VTI1A: variants seen among roughly 807,000 people sequenced by gnomAD.
VTI1A encodes vesicle transport through interaction with t-SNAREs 1A, also known as vesicle transport through interaction with t-SNAREs homolog 1A.
VTI1A carries 22 observed loss-of-function variants against 34.9 expected under a neutral mutation model. That is an observed-to-expected ratio of 0.63 (90% confidence interval 0.45 to 0.90). The LOEUF (loss-of-function observed/expected upper bound fraction) is 0.90. VTI1A is among the 40% of genes least tolerant of loss of function. The probability of loss-of-function intolerance (pLI) is 0.00; values close to 1 mark genes in which losing one functional copy is unlikely to be tolerated. For missense variants in VTI1A, 268 were observed against 275.6 expected, an observed-to-expected ratio of 0.97 and a Z score of 0.20; for synonymous variants, 87 against 97.3, an observed-to-expected ratio of 0.89 and a Z score of 0.62.
chr10:112,845,985 G>A, the VTI1A span, among the ~76,000 whole-genome samples: 12 of 152,184 alleles, frequency 7.9e-5, no homozygotes, highest in African/African-American at 1.7e-4. Flanking sequence ...ACCACGACAC[G>A]CCAGCCTGGG....
intron 5 of VTI1A, among the ~76,000 whole-genome samples, chr10:112,627,840 TGTG>T (rs1243744063): frequency 6.6e-6 from 1 of 152,042 alleles, no homozygotes; most frequent in Non-Finnish European, 1.5e-5. Flanking sequence ...TGATATAAAA[TGTG>T]GTAATGATAT....
Position 112,759,303 on chromosome 10 carries a change from C to T in VTI1A, c.561-55987C>T, listed in dbSNP as rs540916652. ...TAGTGTAAAAATGGACCCCAAAGGTCTTCAGATGGAAAACTAGGTTTTAGG... is the reference window on the plus strand; with the variant it reads ...TAGTGTAAAAATGGACCCCAAAGGTTTTCAGATGGAAAACTAGGTTTTAGG... On this transcript the variant is annotated intron_variant, in intron 7 of 7. Coordinates refer to ENST00000393077, the MANE Select transcript of VTI1A (RefSeq NM_145206.4). 8.5e-5 allele frequency among the ~76,000 whole-genome samples: 13 copies of T among 152,292 alleles called. No individual in the cohort carries two copies. In the Middle Eastern group the frequency reaches 0.014, roughly 159 times the overall value.
chr10:112,763,804 C>T (rs1037871166), intron 7 of VTI1A, among the ~76,000 whole-genome samples: 2 of 152,122 alleles, frequency 1.3e-5, no homozygotes, highest in African/African-American at 4.8e-5. Flanking sequence ...CTGCCTTTGA[C>T]CTCTAGCCTC....
chr10:112,615,492 G>A (rs968585211), intron 5 of VTI1A, among the ~76,000 whole-genome samples: 5 of 152,148 alleles, frequency 3.3e-5, no homozygotes, highest in Admixed American at 2.0e-4. Context: ...GCCCTATTAC[G>A]TGGCAGACAC....
At chr10:112,684,303 A>G (rs1288100537) in intron 7 of VTI1A, among the ~76,000 whole-genome samples, 1 of 152,162 alleles carries the variant, frequency 6.6e-6, no homozygotes, top group Non-Finnish European at 1.5e-5. Context: ...GTATTCCCTC[A>G]TAGAAATATT....
intron 1 of VTI1A, chr10:112,450,866 A>G (rs1847211430): frequency 6.6e-6 from 1 of 152,200 alleles, no homozygotes; most frequent in Non-Finnish European, 1.5e-5. Context: ...ATGAGCAGAA[A>G]CTATACAGTT....
upstream of VTI1A, chr10:112,447,177 C>G: frequency 1.8e-6 from 1 of 554,706 alleles, no homozygotes; most frequent in East Asian, 2.8e-5. Flanking sequence ...AAATAAAGCA[C>G]GCACGCAACC....
At chr10:112,775,028 C>G (rs1851921594) in intron 7 of VTI1A, among the ~76,000 whole-genome samples, 1 of 152,176 alleles carries the variant, frequency 6.6e-6, no homozygotes, top group African/African-American at 2.4e-5. Context: ...GCCTCAGTGC[C>G]TTGTCCCTAA....
chr10:112,501,224 G>C (rs531356821), intron 3 of VTI1A, among the ~76,000 whole-genome samples: 3 of 152,040 alleles, frequency 2.0e-5, no homozygotes, highest in African/African-American at 7.2e-5. Flanking sequence ...GTCTTATTTA[G>C]ATTTGTTATC....
intron 5 of VTI1A, among the ~76,000 whole-genome samples, chr10:112,596,373 A>G (rs572818552): frequency 6.6e-6 from 1 of 152,262 alleles, no homozygotes; most frequent in Admixed American, 6.5e-5. Context: ...TTTACCAAAT[A>G]TTCTGCTTTG....
intron 7 of VTI1A, chr10:112,737,621 G>A (rs963858329): frequency 9.5e-7 from 1 of 1,048,636 alleles, no homozygotes; most frequent in Non-Finnish European, 1.2e-6. Flanking sequence ...TGAAGGCAAA[G>A]CCTCTATGTG....
chr10:112,570,305 T>G (rs1201604046), intron 5 of VTI1A, among the ~76,000 whole-genome samples: 1 of 152,128 alleles, frequency 6.6e-6, no homozygotes, highest in Non-Finnish European at 1.5e-5. Context: ...AAAGTCATTT[T>G]CCCTGCTTCC....
chr10:112,516,151 A>G (rs1314097447), intron 3 of VTI1A, among the ~76,000 whole-genome samples: 2 of 152,116 alleles, frequency 1.3e-5, no homozygotes, highest in East Asian at 1.9e-4. Context: ...TCTTGTGCAG[A>G]TAACAGAGGT....
chr10:112,502,317 A>T (rs1409023692), intron 3 of VTI1A, among the ~76,000 whole-genome samples: 1 of 152,064 alleles, frequency 6.6e-6, no homozygotes, highest in Non-Finnish European at 1.5e-5. Flanking sequence ...TACAGGCGTG[A>T]ACTACTACGC....
At chr10:112,466,050 G>T (rs961933777) in intron 3 of VTI1A, among the ~76,000 whole-genome samples, 3 of 152,090 alleles carry the variant, frequency 2.0e-5, no homozygotes, top group African/African-American at 7.2e-5. Flanking sequence ...AAAATAAAAA[G>T]ATACAGGCGA....
At chr10:112,523,317 C>T (rs1850097325) in intron 3 of VTI1A, among the ~76,000 whole-genome samples, 1 of 152,076 alleles carries the variant, frequency 6.6e-6, no homozygotes, top group South Asian at 2.1e-4. Context: ...TCGAAAATCG[C>T]CTTGAATCCG....
intron 7 of VTI1A, among the ~76,000 whole-genome samples, chr10:112,694,152 G>A (rs903705297): frequency 3.9e-5 from 6 of 152,166 alleles, no homozygotes; most frequent in African/African-American, 1.4e-4. Flanking sequence ...CTTGCAGTGA[G>A]CTGAGATCGC....
In VTI1A at chr10:112,772,870, C is replaced by T. The variant is rs74857830; in HGVS notation, c.561-42420C>T. Among the ~76,000 whole-genome samples, 20 of 152,250 alleles carry T rather than the reference C, an allele frequency of 1.3e-4. No homozygotes were observed. In the East Asian group the frequency reaches 2.9e-3, roughly 22 times the overall value. On this transcript the variant is annotated intron_variant, in intron 7 of 7. Coordinates refer to ENST00000393077, the MANE Select transcript of VTI1A (RefSeq NM_145206.4). ...CCACCTTGGAAACCCATTGGTCAGT[C>T]GGAACAAAACTGACCGACTGGCATA...
intron 7 of VTI1A, among the ~76,000 whole-genome samples, chr10:112,758,378 A>G (rs879688233): frequency 1.3e-5 from 2 of 152,196 alleles, no homozygotes; most frequent in African/African-American, 2.4e-5. Flanking sequence ...GCTCTAGTGC[A>G]TTGATCCACA....
Sources: allele counts gnomAD v4.1 joint callset (sites outside exome capture counted in the v4.1 genomes callset), GRCh38; gene constraint gnomAD v4.1.1; transcripts MANE v1.5; gene names NCBI Gene and HGNC (gene_info 2026-07-23, HGNC 2026-07-21).